The following CENPO variants were observed in gnomAD, a reference collection of about 807,000 sequenced individuals.
CENPO encodes the protein centromere protein O, also known as centromeric protein O.
In CENPO, 30 loss-of-function variants were observed where a neutral mutation model predicts 36.1. The observed-to-expected ratio is 0.83, with a 90% CI of 0.62 to 1.13. The LOEUF is 1.13. Among genes scored for constraint, CENPO ranks in the 50% most tolerant of loss-of-function variants. The pLI is 0.00. For missense variants in CENPO, 349 were observed against 357.8 expected (o/e 0.98, Z 0.20); for synonymous variants, 171 against 142.3 (o/e 1.20, Z -1.44).
At chr2:24,816,534 C>T in intron 5 of CENPO, 112 bp from the exon 6 acceptor site, 1 of 721,590 alleles carries the variant, frequency 1.4e-6, no homozygotes, top group Non-Finnish European at 2.2e-6. Context: ...ATTTATTTCT[C>T]TGAAATGTAA....
intron 3 of CENPO, among the ~76,000 whole-genome samples, chr2:24,809,009 G>A (rs528456066): frequency 6.6e-6 from 1 of 151,760 alleles, no homozygotes. Context: ...TTTAATTTCC[G>A]ATCCAATTTC....
rs776940580 is a variant in CENPO, at chr2:24,814,509, TTAAC to T, written c.334+17_334+20del. ...CATTTTACAGGTTTTGTTTGTTTTT[TTAAC>T]CTAATTTAGTCTGGGTCTGCCTCTA... On this transcript the variant is annotated intron_variant, in intron 4 of 7. Transcript: ENST00000380834. 1.1e-5 allele frequency: 14 copies of T among 1,218,790 alleles called. No homozygotes were observed. Among genetic ancestry groups the T allele is most frequent in the Non-Finnish European group, 1.6e-5 (13 of 819,112 alleles). The allele number at this position is 1,218,790 out of a possible 1,614,324, so 75.5% of individuals were successfully genotyped here. A position where few individuals can be genotyped will look rare whatever the true frequency, so the allele number is the denominator to read the frequency against.
chr2:24,811,722 A>C (rs62140586), intron 3 of CENPO, among the ~76,000 whole-genome samples: 7 of 152,108 alleles, frequency 4.6e-5, no homozygotes, highest in Non-Finnish European at 1.0e-4. Flanking sequence ...CGGCCTCCTA[A>C]AATGCTGGGA....
chr2:24,818,734 C>A (rs1667093363), intron 7 of CENPO, among the ~76,000 whole-genome samples: 1 of 152,228 alleles, frequency 6.6e-6, no homozygotes. Context: ...GGTTAGTGTC[C>A]TGATTTGCCG....
At chr2:24,798,143 C>T in intron 2 of CENPO, among the ~76,000 whole-genome samples, 1 of 152,090 alleles carries the variant, frequency 6.6e-6, no homozygotes, top group Non-Finnish European at 1.5e-5. Flanking sequence ...GGATACTCAA[C>T]TTGCATGGAC....
At chr2:24,806,756 T>TA (rs1666424759) in intron 3 of CENPO, among the ~76,000 whole-genome samples, 1 of 152,212 alleles carries the variant, frequency 6.6e-6, no homozygotes, top group African/African-American at 2.4e-5. Context: ...GAGTTGTTGA[T>TA]ACTTGTGTCA....
chr2:24,815,802 A>G (rs1666915069), intron 5 of CENPO, 46 bp downstream of exon 5: 1 of 1,580,938 alleles, frequency 6.3e-7, no homozygotes, highest in East Asian at 2.2e-5. Context: ...GCCCAAGATC[A>G]ACTTAAAAGG....
At chr2:24,817,489 C>T (rs548615050) in intron 6 of CENPO, among the ~76,000 whole-genome samples, 181 bp from the exon 7 acceptor site, 9 of 86,664 alleles carry the variant, frequency 1.0e-4, no homozygotes, top group African/African-American at 4.1e-4. Flanking sequence ...TGTATGGGTC[C>T]AGTGGGTCCA....
rs373425857 is a variant in CENPO at position 24,821,684 on chromosome 2, G to A, written c.*2366G>A. Reference sequence around the variant, plus strand: ...GAGAAAGTGTCAGGGGCCGCTCACTGCAGCAGCCTGCTCTGCTGCCTTCCC... The same window carrying A: ...GAGAAAGTGTCAGGGGCCGCTCACTACAGCAGCCTGCTCTGCTGCCTTCCC... On this transcript the variant is annotated 3_prime_UTR_variant, in exon 8 of 8. Transcript: ENST00000380834. The A allele has an allele frequency of 1.1e-5, 18 of 1,603,994 alleles. No homozygotes were observed. Among genetic ancestry groups the A allele is most frequent in the South Asian group, 1.0e-4 (9 of 90,034 alleles).
At chr2:24,796,230 T>C (rs995507098) in intron 2 of CENPO, among the ~76,000 whole-genome samples, 33 of 152,138 alleles carry the variant, frequency 2.2e-4, no homozygotes, top group African/African-American at 7.0e-4. Context: ...GGTGCATGCC[T>C]GTAGTCCCAG....
chr2:24,808,390 G>T (rs1044376417), intron 3 of CENPO, among the ~76,000 whole-genome samples: 1 of 151,938 alleles, frequency 6.6e-6, no homozygotes, highest in African/African-American at 2.4e-5. Context: ...TAGTAGAGAC[G>T]GGGTTTCTCT....
chr2:24,815,463 G>C (rs779847843), intron 4 of CENPO, 34 bp from the exon 5 acceptor site: 1 of 1,601,686 alleles, frequency 6.2e-7, no homozygotes, highest in African/African-American at 1.3e-5. Context: ...ACCTTGGCCT[G>C]CTGTCTATTG....
In CENPO at chr2:24,821,657, T is replaced by A; in HGVS notation, c.*2339T>A. ...CTTGTCTTCCTGTGCCAGGGGACCG[T>A]GGAGAAAGTGTCAGGGGCCGCTCAC... On this transcript the variant is annotated 3_prime_UTR_variant, in exon 8 of 8. Coordinates refer to ENST00000380834, the MANE Select transcript of CENPO (RefSeq NM_001322101.2). 3 of 1,613,166 alleles carry A rather than the reference T, an allele frequency of 1.9e-6. No individual in the cohort carries two copies. The highest frequency in any genetic ancestry group is 2.5e-6 in the Non-Finnish European group (3 of 1,179,604).
intron 1 of CENPO, 30 bp downstream of exon 1, chr2:24,793,531 GACC>G (rs1335293424): frequency 5.8e-6 from 9 of 1,558,410 alleles, no homozygotes; most frequent in Non-Finnish European, 6.1e-6. Flanking sequence ...GTAGGGGAAA[GACC>G]CATTGTCGGA....
intron 2 of CENPO, among the ~76,000 whole-genome samples, chr2:24,794,482 A>T (rs1665790602): frequency 6.6e-6 from 1 of 152,240 alleles, no homozygotes; most frequent in African/African-American, 2.4e-5. Flanking sequence ...GTGGTGGAAA[A>T]GTATTGAACT....
At chr2:24,807,171 CTTT>C (rs1198604463) in intron 3 of CENPO, among the ~76,000 whole-genome samples, 1 of 151,152 alleles carries the variant, frequency 6.6e-6, no homozygotes, top group African/African-American at 2.4e-5. Context: ...TTCTTCCGTT[CTTT>C]TTTTTTAATT....
Position 24,816,762 on chromosome 2 carries a change from G to T in CENPO, c.711G>T (p.Leu237Phe). 3 of 1,611,244 alleles carry T rather than the reference G, an allele frequency of 1.9e-6. No individual in the cohort carries two copies. The highest frequency in any genetic ancestry group is 2.5e-6 in the Non-Finnish European group (3 of 1,178,874). ...AGTCCTTCCCGTTCTGTGCTAGATT[G>T]CTGTATAAGGACCTCACAGCAACTC... ...GGQSFPFCARLLYKDLTATLP... is the reference protein window; with the variant it reads ...GGQSFPFCARFLYKDLTATLP... The change falls in exon 6 of 8, where the codon TTG becomes TTT. Residue 237 changes from leucine to phenylalanine, a missense_variant. Transcript: ENST00000380834.
Position 24,814,408 on chromosome 2 carries a change from C to T in CENPO, c.249C>T (p.Asn83=), listed in dbSNP as rs1394936764. Residue 83 remains asparagine (N), a synonymous_variant, in exon 4 of 8, where the codon AAC becomes AAT. Coordinates refer to ENST00000380834, the MANE Select transcript of CENPO (RefSeq NM_001322101.2). The part of the protein sequence containing the change: ...VKACIANVEP[N]QTVEINEQEA... ...CATGTATTGCCAATGTAGAACCCAACCAAACAGTGGAGATCAATGAGCAAG... is the reference window on the plus strand; with the variant it reads ...CATGTATTGCCAATGTAGAACCCAATCAAACAGTGGAGATCAATGAGCAAG... 1 of 1,602,682 alleles carries T rather than the reference C, an allele frequency of 6.2e-7. No individual in the cohort carries two copies. The highest frequency in any genetic ancestry group is 8.5e-7 in the Non-Finnish European group (1 of 1,169,618).
rs1051158743 is a variant in CENPO, at chr2:24,821,989, G to T, written c.*2671G>T. ...AACTAGGTGATAAGCACTGGAGGGG[G>T]ATGACCCGCCTTGGACGTGTTTCTT... On this transcript the variant is annotated 3_prime_UTR_variant, in exon 8 of 8. Coordinates refer to ENST00000380834, the MANE Select transcript of CENPO (RefSeq NM_001322101.2). 4 of 257,952 alleles carry T rather than the reference G, an allele frequency of 1.6e-5. No individual in the cohort carries two copies. The highest frequency in any genetic ancestry group is 3.0e-5 in the Non-Finnish European group (4 of 134,312). The allele number at this position is 257,952 out of a possible 1,614,324, so 16.0% of individuals were successfully genotyped here. A position where few individuals can be genotyped will look rare whatever the true frequency, so the allele number is the denominator to read the frequency against.
Sources: allele counts gnomAD v4.1 joint callset (sites outside exome capture counted in the v4.1 genomes callset), GRCh38; gene constraint gnomAD v4.1.1; transcripts MANE v1.5; gene names NCBI Gene and HGNC (gene_info 2026-07-23, HGNC 2026-07-21).